Variants in WDR64 observed in about 807,000 individuals in gnomAD.
WDR64 encodes WD repeat domain 64, also known as WD repeat-containing protein 64.
In WDR64, 112 loss-of-function variants were observed where a neutral mutation model predicts 139.3. The ratio of observed to expected loss-of-function variants is 0.80; its 90% confidence interval spans 0.69 to 0.94. The LOEUF (loss-of-function observed/expected upper bound fraction) is 0.94. Among genes scored for constraint, WDR64 ranks in the 40% least tolerant of loss-of-function variants. The pLI is 0.00. For missense variants in WDR64, 1,206 were observed against 1,293.1 expected, an observed-to-expected ratio of 0.93 and a Z score of 1.03; for synonymous variants, 444 against 437.7, an observed-to-expected ratio of 1.01 and a Z score of -0.18.
intron 24 of WDR64, among the ~76,000 whole-genome samples, chr1:241,789,055 G>A (rs1269465047): frequency 6.6e-6 from 1 of 152,046 alleles, no homozygotes; most frequent in Non-Finnish European, 1.5e-5. Context: ...GTATAAAACA[G>A]TTCATAGCTC....
At chr1:241,771,245 C>T (rs1485052089) in intron 18 of WDR64, among the ~76,000 whole-genome samples, 2 of 152,198 alleles carry the variant, frequency 1.3e-5, no homozygotes, top group South Asian at 2.1e-4. Flanking sequence ...AAAAGCCAGA[C>T]AGATTGTACT....
At chr1:241,753,647 T>A (rs1309159600) in intron 14 of WDR64, among the ~76,000 whole-genome samples, 2 of 152,098 alleles carry the variant, frequency 1.3e-5, no homozygotes, top group African/African-American at 2.4e-5. Flanking sequence ...GAGATTGCAG[T>A]GAGCCAAAAT....
chr1:241,701,103 G>C (rs1422172718), intron 8 of WDR64, among the ~76,000 whole-genome samples: 1 of 152,160 alleles, frequency 6.6e-6, no homozygotes, highest in East Asian at 1.9e-4. Context: ...ACTGGACATC[G>C]TCTTCTTTTT....
chr1:241,743,512 C>G (rs1180479011), intron 12 of WDR64, among the ~76,000 whole-genome samples: 1 of 152,150 alleles, frequency 6.6e-6, no homozygotes, highest in Non-Finnish European at 1.5e-5. Flanking sequence ...CCCCTCTTAC[C>G]CAGCTAAAGT....
In WDR64 at chr1:241,653,539, TTTTC is replaced by T. The variant is rs1665448944; in HGVS notation, c.145+914_145+917del. 4.7e-5 allele frequency among the ~76,000 whole-genome samples: 5 copies of T among 106,554 alleles called. No individual in the cohort carries two copies. The South Asian group carries it at 1.6e-3, about 34-fold the overall frequency. The allele number at this position is 106,554 out of a possible 152,430, so 69.9% of individuals were successfully genotyped here. A position where few individuals can be genotyped will look rare whatever the true frequency, so the allele number is the denominator to read the frequency against. ...AAGTTACCCAAATTCTTTTCTTTTC[TTTTC>T]TTTTTTTTTTTTTTTCTGAGACGGA... is the stretch of plus-strand genomic sequence containing the variant. On this transcript the variant is annotated intron_variant, in intron 1 of 27. Coordinates refer to ENST00000437684, the MANE Select transcript of WDR64 (RefSeq NM_001367482.1).
At chr1:241,709,948 T>TA (rs977003796) in intron 8 of WDR64, among the ~76,000 whole-genome samples, 5 of 144,114 alleles carry the variant, frequency 3.5e-5, no homozygotes, top group South Asian at 2.2e-4. Context: ...TTGGTGGCAA[T>TA]AAAAAAAAAG....
rs1667830515 is a variant in WDR64, at chr1:241,703,816, G to A, written c.975-7986G>A. On this transcript the variant is annotated intron_variant, in intron 8 of 27. Coordinates refer to ENST00000437684, the MANE Select transcript of WDR64 (RefSeq NM_001367482.1). The surrounding 1 kb of genome is among the most constrained non-coding windows in gnomAD (Gnocchi z 5.9). ...CAGGAAACTTACAATCATGGCGGAA[G>A]GTGAAAGGGAAGCAAGGACCTTCTT... 6.6e-6 allele frequency among the ~76,000 whole-genome samples: 1 copy of A among 152,110 alleles called. No homozygotes were observed. The highest frequency in any genetic ancestry group is 2.1e-4 in the South Asian group (1 of 4,814).
intron 2 of WDR64, 47 bp downstream of exon 2, chr1:241,660,707 C>G: frequency 6.5e-7 from 1 of 1,539,204 alleles, no homozygotes. Context: ...TATTATTTTT[C>G]TAAGTTTGGA....
At position 241,769,441 on chromosome 1, in the gene WDR64, T is replaced by G; in HGVS notation, c.2119T>G (p.Leu707Val). Residue 707 changes from leucine (L) to valine (V), a missense_variant, in exon 17 of 28, where the codon TTG (leucine) becomes GTG (valine). Leu to Val is a conservative substitution (Grantham distance 32, BLOSUM62 1). Coordinates refer to ENST00000437684, the MANE Select transcript of WDR64 (RefSeq NM_001367482.1). ...AGATTGCTTCACTGTAAACCCTGACTTGCATCCCAAGCACTTTAAAATTAA... is the reference window on the plus strand; with the variant it reads ...AGATTGCTTCACTGTAAACCCTGACGTGCATCCCAAGCACTTTAAAATTAA... ...PEDCFTVNPD[L>V]HPKHFKINDI... The G allele has an allele frequency of 6.4e-7, 1 of 1,551,544 alleles. No individual in the cohort carries two copies. Among genetic ancestry groups the G allele is most frequent in the Non-Finnish European group, 8.7e-7 (1 of 1,146,984 alleles).
chr1:241,725,177 G>A (rs1186878947), intron 10 of WDR64, among the ~76,000 whole-genome samples: 2 of 152,156 alleles, frequency 1.3e-5, no homozygotes, highest in Non-Finnish European at 2.9e-5. Context: ...TTTACATACT[G>A]CTGGGTGGAA....
intron 14 of WDR64, among the ~76,000 whole-genome samples, chr1:241,754,836 C>G (rs534032000): frequency 6.6e-6 from 1 of 152,144 alleles, no homozygotes; most frequent in Non-Finnish European, 1.5e-5. Context: ...TTTTCTGTTC[C>G]TGTGTTGTTT....
intron 8 of WDR64, 81 bp downstream of exon 8, chr1:241,687,676 C>A: frequency 1.4e-6 from 2 of 1,380,272 alleles, no homozygotes; most frequent in Non-Finnish European, 2.0e-6. Flanking sequence ...AGCTTTGAAA[C>A]TTTCAAACTG....
chr1:241,693,153 G>C (rs372420357), intron 8 of WDR64, among the ~76,000 whole-genome samples: 19 of 152,196 alleles, frequency 1.2e-4, no homozygotes, highest in Middle Eastern at 3.4e-3. Flanking sequence ...CAAAACTTGG[G>C]GGCAACAAAG....
chr1:241,688,682 C>G (rs1051427239), intron 8 of WDR64, among the ~76,000 whole-genome samples: 3 of 152,170 alleles, frequency 2.0e-5, no homozygotes, highest in African/African-American at 7.2e-5. Flanking sequence ...CTGGGAATCA[C>G]AACTTACTGG....
chr1:241,788,074 T>A, intron 24 of WDR64, 40 bp downstream of exon 24: 1 of 1,510,652 alleles, frequency 6.6e-7, no homozygotes, highest in Non-Finnish European at 8.9e-7. Flanking sequence ...CATACAAGAA[T>A]CAAACTGTTG....
In WDR64 at chr1:241,796,310, A is replaced by G; in HGVS notation, c.3132A>G (p.Gln1044=). ...TTCCACTGATTGGCGTAGAAGCCCA[A>G]AAGGACTCTTCAGATGGCATTACAG... is the stretch of plus-strand genomic sequence containing the variant. ...RFLPLIGVEA[Q]KDSSDGITGK... is the part of the protein sequence containing the mutation. Residue 1044 remains glutamine (Q), a synonymous_variant, in exon 27 of 28, where the codon CAA becomes CAG. Coordinates refer to ENST00000437684, the MANE Select transcript of WDR64 (RefSeq NM_001367482.1). 1.2e-6 allele frequency: 2 copies of G among 1,613,956 alleles called. No homozygotes were observed. Among genetic ancestry groups the G allele is most frequent in the Non-Finnish European group, 1.7e-6 (2 of 1,179,944 alleles).
intron 1 of WDR64, among the ~76,000 whole-genome samples, chr1:241,655,127 A>G (rs190390144): frequency 3.1e-4 from 47 of 152,248 alleles, no homozygotes; most frequent in African/African-American, 1.1e-3. Flanking sequence ...GCTCACGCCT[A>G]TAATCTCAGC....
intron 21 of WDR64, 89 bp downstream of exon 21, chr1:241,775,299 G>T: frequency 1.0e-6 from 1 of 1,002,676 alleles, no homozygotes; most frequent in Non-Finnish European, 1.5e-6. Context: ...CATGGTATAT[G>T]GTGAAACAAA....
intron 9 of WDR64, among the ~76,000 whole-genome samples, chr1:241,722,721 C>T (rs775478453): frequency 4.6e-5 from 7 of 151,418 alleles, no homozygotes; most frequent in Admixed American, 2.6e-4. Flanking sequence ...GAGGAAAAGA[C>T]ATTTTTATAA....
Sources: gnomAD v4.1 joint callset for allele counts (sites outside exome capture counted in the v4.1 genomes callset) on GRCh38, gnomAD v4.1.1 for gene constraint, Gnocchi (gnomAD v3.1) non-coding constraint, MANE v1.5 for transcripts, NCBI Gene and HGNC (gene_info 2026-07-23, HGNC 2026-07-21) for gene names.